Variants in ITGB5 observed in about 807,000 individuals in gnomAD.
ITGB5 encodes integrin beta-5.
Under a neutral mutation model 84.8 loss-of-function variants are expected in ITGB5, and 38 were observed. The observed-to-expected ratio is 0.45, with a 90% CI of 0.35 to 0.59. The LOEUF (loss-of-function observed/expected upper bound fraction) is 0.59. Ranked by LOEUF, ITGB5 falls within the 20% of genes least tolerant of loss-of-function variation. ITGB5 has a pLI of 0.01. For synonymous variants in ITGB5, 393 were observed against 414.4 expected (o/e 0.95, Z 0.63); for missense variants, 905 against 1,034.5 (o/e 0.87, Z 1.72).
At chr3:124,798,054 G>GTTTTTTTTTTTTTTT (rs1559938870) in intron 9 of ITGB5, among the ~76,000 whole-genome samples, 5 of 85,058 alleles carry the variant, frequency 5.9e-5, no homozygotes, top group Non-Finnish European at 1.2e-4. Context: ...CTAGAATAAA[G>GTTTTTTTTTTTTTTT]CTTTTTTTTT....
At chr3:124,769,699 CG>C (rs1237434149) in intron 11 of ITGB5, 1 of 152,300 alleles carries the variant, frequency 6.6e-6, no homozygotes, top group African/African-American at 2.4e-5. Context: ...TCCACTGTCC[CG>C]GAGAATCTCG....
At chr3:124,782,114 C>T (rs76896460) in intron 10 of ITGB5, among the ~76,000 whole-genome samples, 3,238 of 152,218 alleles carry the variant, frequency 0.021, 134 homozygotes, top group African/African-American at 0.074. Context: ...GGAATTCTTA[C>T]AATAGGCGAG....
intron 8 of ITGB5, among the ~76,000 whole-genome samples, chr3:124,811,293 G>A (rs748152753): frequency 6.6e-6 from 1 of 152,144 alleles, no homozygotes; most frequent in Non-Finnish European, 1.5e-5. Flanking sequence ...ATGAATAAAC[G>A]CATGGATGGG....
At chr3:124,796,306 G>A in intron 10 of ITGB5, 82 bp downstream of exon 10, 1 of 1,271,144 alleles carries the variant, frequency 7.9e-7, no homozygotes, top group South Asian at 1.4e-5. Context: ...TACCACCACT[G>A]AGTAAAAGGC....
rs770003292 is a variant in ITGB5 at position 124,809,050 on chromosome 3, T to C, written c.1235A>G (p.Lys412Arg). The change falls in exon 9 of 15, where the codon AAG becomes AGG. Residue 412 changes from lysine to arginine, a missense_variant. Physicochemically the swap from Lys to Arg is conservative, Grantham distance 26. This residue lies in a region of ITGB5 where 656 missense variants were observed against 734.7 expected (regional missense o/e 0.89). Transcript: ENST00000296181. Reference protein sequence around the residue: ...QDGVSYPGQRKCEGLKIGDTA... With the variant: ...QDGVSYPGQRRCEGLKIGDTA... Reference sequence around the variant, plus strand: ...GTCCCCAATCTTCAGACCCTCACACTTCCTCTGACCAGGATAGGATACCCC... The same window carrying C: ...GTCCCCAATCTTCAGACCCTCACACCTCCTCTGACCAGGATAGGATACCCC... 6 of 1,614,042 alleles carry C rather than the reference T, an allele frequency of 3.7e-6. No homozygotes were observed. Among genetic ancestry groups the C allele is most frequent in the Non-Finnish European group, 5.1e-6 (6 of 1,180,006 alleles).
upstream of ITGB5, among the ~76,000 whole-genome samples, chr3:124,891,477 C>G (rs1009905179): frequency 4.0e-5 from 6 of 150,676 alleles, 1 homozygote; most frequent in African/African-American, 1.5e-4. Context: ...GCCAGGAGTT[C>G]AAGACCGGCC....
At chr3:124,851,608 A>AACACACACAC (rs3836319) in intron 3 of ITGB5, among the ~76,000 whole-genome samples, 155 of 146,038 alleles carry the variant, frequency 1.1e-3, no homozygotes, top group South Asian at 2.5e-3. Context: ...TCAGTAAGAA[A>AACACACACAC]ACACACACAC....
At chr3:124,899,882 A>AAGC (rs1935184262) in intron 1 of ITGB5, among the ~76,000 whole-genome samples, 1 of 150,336 alleles carries the variant, frequency 6.7e-6, no homozygotes, top group African/African-American at 2.4e-5. Context: ...AAAAAAAAAA[A>AAGC]AGCAGCAGCA....
intron 13 of ITGB5, 52 bp from the exon 14 acceptor site, chr3:124,764,609 T>A: frequency 6.5e-7 from 1 of 1,548,708 alleles, no homozygotes; most frequent in Non-Finnish European, 8.8e-7. Flanking sequence ...ACCATGCCCC[T>A]CTCACGCAAC....
intron 2 of ITGB5, among the ~76,000 whole-genome samples, chr3:124,871,154 G>A (rs1934025496): frequency 6.6e-6 from 1 of 151,982 alleles, no homozygotes; most frequent in Non-Finnish European, 1.5e-5. Flanking sequence ...GCTTCCCAAA[G>A]TGCTGGGATT....
intron 1 of ITGB5, among the ~76,000 whole-genome samples, chr3:124,895,746 A>C (rs1028695580): frequency 1.3e-5 from 2 of 152,116 alleles, no homozygotes; most frequent in African/African-American, 4.8e-5. Flanking sequence ...CCCAGCTTTC[A>C]CCTGTTTGCA....
chr3:124,771,631 C>CTAG (rs2063845333), intron 11 of ITGB5, among the ~76,000 whole-genome samples: 1 of 151,408 alleles, frequency 6.6e-6, no homozygotes, highest in Non-Finnish European at 1.5e-5. Context: ...GCCAATAGTC[C>CTAG]TAGCTACCTG....
chr3:124,861,242 C>G (rs1307443734), intron 2 of ITGB5, among the ~76,000 whole-genome samples: 1 of 151,758 alleles, frequency 6.6e-6, no homozygotes, highest in Non-Finnish European at 1.5e-5. Flanking sequence ...AGGATCTTGC[C>G]TGTCAACAAC....
At chr3:124,783,573 G>A (rs528242515) in intron 10 of ITGB5, among the ~76,000 whole-genome samples, 27 of 152,262 alleles carry the variant, frequency 1.8e-4, no homozygotes, top group South Asian at 1.0e-3. Context: ...AATATCACCA[G>A]GACAAACCTC....
intron 10 of ITGB5, among the ~76,000 whole-genome samples, chr3:124,788,655 G>A (rs1032988247): frequency 2.1e-4 from 32 of 152,326 alleles, no homozygotes; most frequent in African/African-American, 7.7e-4. Context: ...TACCAGGTAA[G>A]GGAAATTGCT....
intron 1 of ITGB5, among the ~76,000 whole-genome samples, chr3:124,881,365 C>T (rs919073692): frequency 3.3e-5 from 5 of 152,116 alleles, no homozygotes; most frequent in Non-Finnish European, 7.4e-5. Flanking sequence ...AGCATTGTGG[C>T]TGTGTCAGGG....
At chr3:124,832,418 A>G (rs1404054719) in intron 5 of ITGB5, among the ~76,000 whole-genome samples, 1 of 152,244 alleles carries the variant, frequency 6.6e-6, no homozygotes, top group African/African-American at 2.4e-5. Flanking sequence ...AGGAGATAGT[A>G]AAGCCACCTT....
intron 11 of ITGB5, chr3:124,770,304 A>G (rs2063823623): frequency 6.6e-6 from 1 of 152,402 alleles, no homozygotes; most frequent in South Asian, 2.1e-4. Flanking sequence ...CCCCTAGGAA[A>G]CCGGGTCAGG....
chr3:124,899,300 A>G (rs547091366), intron 1 of ITGB5, among the ~76,000 whole-genome samples: 3 of 152,284 alleles, frequency 2.0e-5, no homozygotes, highest in Non-Finnish European at 2.9e-5. Flanking sequence ...GGCTTTTTAC[A>G]TAGCAAAGAA....
Sources: allele counts gnomAD v4.1 joint callset (sites outside exome capture counted in the v4.1 genomes callset), GRCh38; gene constraint gnomAD v4.1.1; regional missense constraint gnomAD v4.1.1; transcripts MANE v1.5; gene names NCBI Gene and HGNC (gene_info 2026-07-23, HGNC 2026-07-21).